The following CTNNA3 variants were observed in gnomAD, a reference collection of about 807,000 sequenced individuals.
The protein encoded by CTNNA3 is catenin alpha 3.
In CTNNA3, 76 loss-of-function variants were observed where a neutral mutation model predicts 95.7. The ratio of observed to expected loss-of-function variants is 0.79; its 90% CI spans 0.66 to 0.96. CTNNA3 has a LOEUF of 0.96. Among genes scored for constraint, CTNNA3 ranks in the 40% least tolerant of loss-of-function variants. CTNNA3 has a pLI of 0.00. For missense variants in CTNNA3, 1,191 were observed against 1,089.8 expected (o/e 1.09, Z -1.31); for synonymous variants, 431 against 374.4 (o/e 1.15, Z -1.74).
chr10:66,844,904 A>ATAATAAACCTGGT (rs1843192496), intron 7 of CTNNA3, among the ~76,000 whole-genome samples: 1 of 152,042 alleles, frequency 6.6e-6, no homozygotes, highest in Admixed American at 6.5e-5. Context: ...TATTTCATTT[A>ATAATAAACCTGGT]TAATAAACCT....
chr10:67,721,973 GGGT>G (rs1841181924), intron 1 of CTNNA3, among the ~76,000 whole-genome samples: 1 of 152,086 alleles, frequency 6.6e-6, no homozygotes, highest in African/African-American at 2.4e-5. Context: ...CTGCTTGCCT[GGGT>G]ATCACCAGCG....
rs59117038 is a variant in CTNNA3, at chr10:66,647,511, C to CTTT, written c.1282-25730_1282-25728dup. ...GAGATAGAGAGTTATAAAAATTACT[C>CTTT]TTTTTTTTTTTTTTCTTGAGACAGA... On this transcript the variant is annotated intron_variant, in intron 9 of 17. Coordinates refer to ENST00000433211, the MANE Select transcript of CTNNA3 (RefSeq NM_013266.4). 1.5e-3 allele frequency among the ~76,000 whole-genome samples: 220 copies of CTTT among 146,538 alleles called. 3 individuals are homozygous for CTTT. The highest frequency in any genetic ancestry group is 4.3e-3 in the African/African-American group (170 of 39,752).
At chr10:66,972,643 C>G (rs1381343137) in intron 7 of CTNNA3, among the ~76,000 whole-genome samples, 1 of 150,202 alleles carries the variant, frequency 6.7e-6, no homozygotes, top group Non-Finnish European at 1.5e-5. Flanking sequence ...TGAACATAAG[C>G]AAACCCATAA....
chr10:66,604,936 GC>G (rs1844064779), intron 10 of CTNNA3, among the ~76,000 whole-genome samples: 1 of 152,102 alleles, frequency 6.6e-6, no homozygotes, highest in African/African-American at 2.4e-5. Flanking sequence ...CACCTCTCCA[GC>G]AGGGGTTCTG....
chr10:66,326,076 CTCAAT>C (rs1438181825), intron 12 of CTNNA3, among the ~76,000 whole-genome samples: 1 of 152,092 alleles, frequency 6.6e-6, no homozygotes, highest in African/African-American at 2.4e-5. Flanking sequence ...AATGAACAAG[CTCAAT>C]CCAACTAATA....
rs148353273 is a variant in CTNNA3 at position 66,229,410 on chromosome 10, G to A, written c.1884+51060C>T. Among the ~76,000 whole-genome samples, 17 of 152,184 alleles carry A rather than the reference G, an allele frequency of 1.1e-4. No homozygotes were observed. In the South Asian group the frequency reaches 1.2e-3, roughly 11 times the overall value. On this transcript the variant is annotated intron_variant, in intron 13 of 17. Transcript: ENST00000433211. ...ATGCAATTCACGTGGGGCTGGTCTC[G>A]TGGTGATGAATTTTCTTAGTTTTTG...
At chr10:67,645,957 T>TA (rs1276954326) in intron 2 of CTNNA3, among the ~76,000 whole-genome samples, 1 of 146,546 alleles carries the variant, frequency 6.8e-6, no homozygotes, top group East Asian at 2.1e-4. Flanking sequence ...ATATATATAA[T>TA]ATATATACGT....
chr10:66,723,845 T>C (rs7908849), intron 9 of CTNNA3, among the ~76,000 whole-genome samples: 54,657 of 152,014 alleles, frequency 0.36, 10,413 homozygotes, highest in Non-Finnish European at 0.42. Flanking sequence ...AGAACAGCCT[T>C]GTCAGGGAAG....
chr10:67,595,338 T>G (rs772803751), intron 3 of CTNNA3, among the ~76,000 whole-genome samples: 11 of 152,342 alleles, frequency 7.2e-5, no homozygotes, highest in Middle Eastern at 3.4e-3. Flanking sequence ...ATTGTATCTT[T>G]GTTTTCATTT....
At chr10:66,369,189 T>G (rs752357091) in intron 12 of CTNNA3, among the ~76,000 whole-genome samples, 3 of 152,178 alleles carry the variant, frequency 2.0e-5, no homozygotes, top group Non-Finnish European at 4.4e-5. Context: ...TAATACTTTC[T>G]TTTGTAATTG....
chr10:67,065,139 C>T (rs1856000455), intron 7 of CTNNA3, among the ~76,000 whole-genome samples: 1 of 152,078 alleles, frequency 6.6e-6, no homozygotes, highest in Admixed American at 6.5e-5. Flanking sequence ...ACCATGGTTC[C>T]CTCTGACACC....
intron 15 of CTNNA3, among the ~76,000 whole-genome samples, chr10:66,050,900 T>C (rs779862958): frequency 9.9e-5 from 15 of 152,042 alleles, no homozygotes; most frequent in Non-Finnish European, 2.2e-4. Context: ...TTCGCCCAGA[T>C]GGGAGTACAG....
At chr10:67,725,037 T>C (rs895025744) in intron 1 of CTNNA3, among the ~76,000 whole-genome samples, 8 of 152,054 alleles carry the variant, frequency 5.3e-5, no homozygotes, top group Admixed American at 4.6e-4. Flanking sequence ...TATATCTATT[T>C]ATTCTCCCAC....
chr10:66,169,960 C>T (rs1184479699), intron 13 of CTNNA3, among the ~76,000 whole-genome samples: 3 of 152,094 alleles, frequency 2.0e-5, no homozygotes, highest in African/African-American at 7.2e-5. Flanking sequence ...TTTTCTCCCA[C>T]TCTGTGGGTT....
intron 12 of CTNNA3, among the ~76,000 whole-genome samples, chr10:66,282,305 C>A (rs1192630986): frequency 3.3e-5 from 5 of 151,794 alleles, no homozygotes; most frequent in Admixed American, 2.0e-4. Context: ...CTAATCTAGA[C>A]CTTTCTCCTT....
intron 11 of CTNNA3, among the ~76,000 whole-genome samples, chr10:66,478,493 T>C (rs1392226420): frequency 6.6e-6 from 1 of 151,980 alleles, no homozygotes; most frequent in Non-Finnish European, 1.5e-5. Context: ...TTAAGGACTA[T>C]ATTATTTTAA....
intron 1 of CTNNA3, among the ~76,000 whole-genome samples, chr10:67,691,957 C>A (rs1357638087): frequency 1.3e-5 from 2 of 149,890 alleles, no homozygotes; most frequent in African/African-American, 2.5e-5. Flanking sequence ...GTCAGCCCCC[C>A]ACCCGGCCAG....
At chr10:67,398,447 T>C (rs923280879) in intron 5 of CTNNA3, among the ~76,000 whole-genome samples, 3 of 152,218 alleles carry the variant, frequency 2.0e-5, no homozygotes, top group Non-Finnish European at 4.4e-5. Context: ...CCATTTTACC[T>C]AGGAAGTAAC....
intron 5 of CTNNA3, among the ~76,000 whole-genome samples, chr10:67,235,951 C>A (rs1269885933): frequency 4.8e-5 from 7 of 147,158 alleles, no homozygotes; most frequent in Non-Finnish European, 1.0e-4. Context: ...CAAATCAAAA[C>A]CACAATGAGA....
Sources: allele counts gnomAD v4.1 joint callset (sites outside exome capture counted in the v4.1 genomes callset), GRCh38; gene constraint gnomAD v4.1.1; transcripts MANE v1.5; gene names NCBI Gene and HGNC (gene_info 2026-07-23, HGNC 2026-07-21).